Variants in ARID5B observed in about 807,000 individuals in gnomAD.
ARID5B encodes AT-rich interaction domain 5B, also known as AT-rich interactive domain-containing protein 5B.
A neutral mutation model predicts 97.2 loss-of-function variants in ARID5B; 13 were observed. The observed-to-expected ratio is 0.13, with a 90% CI of 0.09 to 0.21. ARID5B has a LOEUF of 0.21. Ranked by LOEUF, ARID5B falls within the 10% of genes least tolerant of loss-of-function variation. ARID5B has a pLI of 1.00. For synonymous variants in ARID5B, 556 were observed against 570.3 expected, an observed-to-expected ratio of 0.97 and a Z score of 0.36; for missense variants, 1,210 against 1,465.3, an observed-to-expected ratio of 0.83 and a Z score of 2.84.
In ARID5B at chr10:62,033,676, C is replaced by T. The variant is rs551521212; in HGVS notation, c.734-17212C>T. 8.5e-5 allele frequency among the ~76,000 whole-genome samples: 13 copies of T among 152,308 alleles called. No individual in the cohort carries two copies. The South Asian group carries it at 1.0e-3, about 12-fold the overall frequency. On this transcript the variant is annotated intron_variant, in intron 4 of 9. Transcript: ENST00000279873. ...AAATGATGTATTAATATTACTTCCA[C>T]GTGTCCGTGCATATAATAGTGATAA...
chr10:62,038,322 T>C (rs17288591), intron 4 of ARID5B, among the ~76,000 whole-genome samples: 3,158 of 151,994 alleles, frequency 0.021, 48 homozygotes, highest in Non-Finnish European at 0.032. Context: ...TACTTGGTTC[T>C]ATAAGTCCCA....
intron 4 of ARID5B, among the ~76,000 whole-genome samples, chr10:62,030,567 T>G (rs1283104805): frequency 6.6e-6 from 1 of 152,214 alleles, no homozygotes; most frequent in Non-Finnish European, 1.5e-5. Flanking sequence ...GGGCTGAAGA[T>G]GGAAGATCTA....
chr10:62,066,128 A>G (rs1004375084), intron 7 of ARID5B, among the ~76,000 whole-genome samples: 1 of 152,198 alleles, frequency 6.6e-6, no homozygotes, highest in Non-Finnish European at 1.5e-5. Flanking sequence ...AACTATAAGC[A>G]AGTACATAAT....
intron 3 of ARID5B, among the ~76,000 whole-genome samples, chr10:61,963,180 G>A (rs147046623): frequency 7.2e-5 from 11 of 152,118 alleles, no homozygotes; most frequent in South Asian, 2.1e-4. Context: ...AGATATTCCC[G>A]CATGTCTCTC....
intron 3 of ARID5B, among the ~76,000 whole-genome samples, chr10:61,959,317 G>A (rs1047824513): frequency 3.3e-5 from 5 of 152,140 alleles, no homozygotes; most frequent in African/African-American, 1.2e-4. Flanking sequence ...GAACTTTGTG[G>A]CTGAATAAAA....
chr10:62,089,700 G>A (rs1840342687), intron 9 of ARID5B, among the ~76,000 whole-genome samples: 1 of 151,748 alleles, frequency 6.6e-6, no homozygotes. Context: ...GCTAATTTTT[G>A]TTTTTTTACT....
chr10:61,983,219 G>A (rs1245750254), intron 3 of ARID5B, among the ~76,000 whole-genome samples: 1 of 152,136 alleles, frequency 6.6e-6, no homozygotes, highest in Non-Finnish European at 1.5e-5. Flanking sequence ...AAGAGAATTA[G>A]GGGAAGATGA....
intron 4 of ARID5B, among the ~76,000 whole-genome samples, chr10:62,008,061 A>ACACACAC (rs1360080055): frequency 1.5e-5 from 1 of 66,530 alleles, no homozygotes. Context: ...CCCGCCCCAC[A>ACACACAC]ACACACACAC....
chr10:62,030,930 C>T (rs747033227), intron 4 of ARID5B, among the ~76,000 whole-genome samples: 12 of 152,148 alleles, frequency 7.9e-5, no homozygotes, highest in Non-Finnish European at 1.8e-4. Flanking sequence ...AAGGGCTATG[C>T]ATCTTTAAGA....
At chr10:62,051,072 G>C (rs758440176) in intron 5 of ARID5B, 72 bp downstream of exon 5, 4 of 1,274,218 alleles carry the variant, frequency 3.1e-6, no homozygotes, top group Admixed American at 3.7e-5. Context: ...TTATCTCTCT[G>C]TGCCTGTGTC....
rs572225823 is a variant in ARID5B, at chr10:61,979,791, AG to A, written c.503-20299del. Among the ~76,000 whole-genome samples, 339 of 152,348 alleles carry A rather than the reference AG, an allele frequency of 2.2e-3. 1 individual carries two copies. Among genetic ancestry groups the A allele is most frequent in the African/African-American group, 7.8e-3 (326 of 41,580 alleles). On this transcript the variant is annotated intron_variant, in intron 3 of 9. Transcript: ENST00000279873. ...GAGAAGAAAACACGATGACCTCTTC[AG>A]TCGAAAAATATGTTTTAGGCCGAGC...
At chr10:61,906,255 G>A (rs1052420211) in intron 2 of ARID5B, among the ~76,000 whole-genome samples, 2 of 151,970 alleles carry the variant, frequency 1.3e-5, no homozygotes, top group Non-Finnish European at 2.9e-5. Context: ...GGAGGTTCTT[G>A]GACCTAAAAA....
chr10:62,061,209 CAG>C (rs1839917181), intron 7 of ARID5B, among the ~76,000 whole-genome samples: 1 of 152,158 alleles, frequency 6.6e-6, no homozygotes, highest in Non-Finnish European at 1.5e-5. Context: ...GGAAAAAGGT[CAG>C]TGCCCTACAC....
At chr10:61,992,027 T>C (rs1838932480) in intron 3 of ARID5B, among the ~76,000 whole-genome samples, 1 of 150,944 alleles carries the variant, frequency 6.6e-6, no homozygotes, top group African/African-American at 2.4e-5. Context: ...AGCGAAACTC[T>C]GTCTCAAAAA....
chr10:62,011,747 G>T (rs1018333193), intron 4 of ARID5B, among the ~76,000 whole-genome samples: 1 of 152,232 alleles, frequency 6.6e-6, no homozygotes, highest in Non-Finnish European at 1.5e-5. Flanking sequence ...CCACCAGGAA[G>T]TTGAAGAAAC....
intron 4 of ARID5B, among the ~76,000 whole-genome samples, chr10:62,023,259 C>T (rs1490574793): frequency 2.0e-5 from 3 of 152,208 alleles, no homozygotes; most frequent in African/African-American, 7.2e-5. Context: ...TCAACTCAGA[C>T]TTCTTGTGCA....
chr10:62,026,595 T>C (rs1589263585), intron 4 of ARID5B, among the ~76,000 whole-genome samples: 2 of 152,228 alleles, frequency 1.3e-5, no homozygotes, highest in African/African-American at 2.4e-5. Flanking sequence ...TTTCCTTGAA[T>C]ATTTTACTGG....
chr10:61,905,702 AG>A (rs1215100996), intron 2 of ARID5B, among the ~76,000 whole-genome samples: 1 of 152,224 alleles, frequency 6.6e-6, no homozygotes, highest in Non-Finnish European at 1.5e-5. Context: ...TAATGTGAAC[AG>A]TCCCTCAGAC....
At position 62,096,237 on chromosome 10, in the gene ARID5B, A is replaced by G; in HGVS notation, c.*3207A>G. 1 of 233,686 alleles carries G rather than the reference A, an allele frequency of 4.3e-6. No homozygotes were observed. The highest frequency in any genetic ancestry group is 2.2e-5 in the African/African-American group (1 of 45,452). The allele number at this position is 233,686 out of a possible 1,614,324, so 14.5% of individuals were successfully genotyped here. On this transcript the variant is annotated 3_prime_UTR_variant, in exon 10 of 10. Coordinates refer to ENST00000279873, the MANE Select transcript of ARID5B (RefSeq NM_032199.3). ...TACAACTTTCTGACCTGGTGCATGA[A>G]TTCTCAAGTACTGTATTTCACTGTG...
Sources: allele counts gnomAD v4.1 joint callset (sites outside exome capture counted in the v4.1 genomes callset), GRCh38; gene constraint gnomAD v4.1.1; transcripts MANE v1.5; gene names NCBI Gene and HGNC (gene_info 2026-07-23, HGNC 2026-07-21).